COG5: variants seen among roughly 807,000 people sequenced by gnomAD.
COG5 encodes the protein component of oligomeric golgi complex 5.
In COG5, 86 loss-of-function variants were observed where a neutral mutation model predicts 110.4. That is an observed-to-expected ratio of 0.78 (90% confidence interval 0.65 to 0.93). The LOEUF (loss-of-function observed/expected upper bound fraction) is 0.93, where lower values mean the gene tolerates loss of function less well. Ranked by LOEUF, COG5 falls within the 40% of genes least tolerant of loss-of-function variation. The probability of loss-of-function intolerance (pLI) is 0.00; values close to 1 mark genes in which losing one functional copy is unlikely to be tolerated. For synonymous variants in COG5, 360 were observed against 334.6 expected (o/e 1.08, Z -0.83); for missense variants, 1,077 against 987.0 (o/e 1.09, Z -1.22).
chr7:107,231,853 T>C lies in COG5; in HGVS notation c.2092-1162A>G, dbSNP rs568712808. ...TCAAATTTAATGAAGGGGATATTTA[T>C]TTATTAAAACAATATGATTATCAAC... is the stretch of plus-strand genomic sequence containing the variant. On this transcript the variant is annotated intron_variant, in intron 18 of 21. Transcript: ENST00000297135. 2.8e-3 allele frequency among the ~76,000 whole-genome samples: 427 copies of C among 152,372 alleles called. 2 individuals are homozygous for C. Among genetic ancestry groups the C allele is most frequent in the South Asian group, 5.0e-3 (24 of 4,828 alleles).
At chr7:107,523,330 T>C (rs1013420319) in intron 6 of COG5, among the ~76,000 whole-genome samples, 4 of 151,946 alleles carry the variant, frequency 2.6e-5, no homozygotes, top group African/African-American at 9.7e-5. Flanking sequence ...TATACAGAAA[T>C]ACAATTAATT....
At chr7:107,372,793 TATAAATAGGAAAACAAACAAAATCAAC>T in intron 7 of COG5, 33 bp from the exon 8 acceptor site, 1 of 1,607,248 alleles carries the variant, frequency 6.2e-7, no homozygotes, top group Non-Finnish European at 8.5e-7. Context: ...TGGAAACAGA[TATAAATAGGAAAACAAACAAAATCAAC>T]ATAAATATAC....
chr7:107,369,886 C>A (rs992554136), intron 8 of COG5, among the ~76,000 whole-genome samples: 1 of 152,030 alleles, frequency 6.6e-6, no homozygotes, highest in African/African-American at 2.4e-5. Flanking sequence ...TAGATTTTGC[C>A]AATCTGATGA....
intron 7 of COG5, among the ~76,000 whole-genome samples, chr7:107,376,407 C>T (rs1814641664): frequency 6.6e-6 from 1 of 151,890 alleles, no homozygotes; most frequent in East Asian, 1.9e-4. Context: ...TTCTCAAATC[C>T]ATGAATATGG....
At chr7:107,556,962 G>C (rs1342262402) in intron 2 of COG5, among the ~76,000 whole-genome samples, 1 of 151,982 alleles carries the variant, frequency 6.6e-6, no homozygotes, top group African/African-American at 2.4e-5. Context: ...GTAGAGATGG[G>C]GTTTTGCCAT....
chr7:107,466,937 A>C (rs1796325578), intron 6 of COG5, among the ~76,000 whole-genome samples: 1 of 152,244 alleles, frequency 6.6e-6, no homozygotes, highest in African/African-American at 2.4e-5. Context: ...TTTTATTTAC[A>C]AACTCAGAGA....
intron 1 of COG5, among the ~76,000 whole-genome samples, chr7:107,560,449 G>A (rs942868953): frequency 1.3e-5 from 2 of 152,212 alleles, no homozygotes; most frequent in Non-Finnish European, 2.9e-5. Context: ...TGATTAGGTA[G>A]AACAAACAAG....
intron 6 of COG5, among the ~76,000 whole-genome samples, chr7:107,453,238 A>G (rs1434759788): frequency 6.6e-6 from 1 of 152,218 alleles, no homozygotes; most frequent in Non-Finnish European, 1.5e-5. Context: ...AAAGTACAGG[A>G]GTTAAATCTC....
At chr7:107,432,289 GTAAAC>G (rs1794076781) in intron 6 of COG5, among the ~76,000 whole-genome samples, 1 of 152,144 alleles carries the variant, frequency 6.6e-6, no homozygotes, top group African/African-American at 2.4e-5. Flanking sequence ...CTGCTCTGTA[GTAAAC>G]TAAAGTTGAA....
At chr7:107,308,451 T>G (rs188866307) in intron 11 of COG5, among the ~76,000 whole-genome samples, 3 of 152,190 alleles carry the variant, frequency 2.0e-5, no homozygotes, top group Admixed American at 2.0e-4. Flanking sequence ...CTACTGCATA[T>G]GTAGTGACTG....
At chr7:107,556,589 A>G (rs528895972) in intron 2 of COG5, among the ~76,000 whole-genome samples, 1 of 152,276 alleles carries the variant, frequency 6.6e-6, no homozygotes, top group East Asian at 1.9e-4. Flanking sequence ...AACTAAATAC[A>G]TTATCCCCGC....
At chr7:107,343,170 G>T (rs1811313685) in intron 10 of COG5, among the ~76,000 whole-genome samples, 1 of 152,038 alleles carries the variant, frequency 6.6e-6, no homozygotes, top group African/African-American at 2.4e-5. Context: ...TAAATATTAG[G>T]TACTCATGGA....
intron 10 of COG5, among the ~76,000 whole-genome samples, chr7:107,329,510 A>G (rs1186977587): frequency 6.6e-6 from 1 of 152,166 alleles, no homozygotes; most frequent in African/African-American, 2.4e-5. Flanking sequence ...TAGTATATGT[A>G]CATATACTAT....
rs1035623161 is a variant in COG5 at position 107,467,577 on chromosome 7, C to T, written c.539-54945G>A. On this transcript the variant is annotated intron_variant, in intron 6 of 21. Transcript: ENST00000297135. ...ATGTTGGCCAGACTGGTCTCGAACT[C>T]CTGACCTCAAGTGATCCACCCGCCT... Among the ~76,000 whole-genome samples the T allele has an allele frequency of 7.2e-5, 11 of 152,100 alleles. No individual in the cohort carries two copies. In the East Asian group the frequency reaches 1.9e-3, roughly 27 times the overall value.
At chr7:107,360,310 G>T (rs1584727133) in intron 10 of COG5, among the ~76,000 whole-genome samples, 1 of 152,324 alleles carries the variant, frequency 6.6e-6, no homozygotes, top group East Asian at 1.9e-4. Context: ...ACTCAGTGAA[G>T]CTCCTCTCTG....
intron 10 of COG5, among the ~76,000 whole-genome samples, chr7:107,346,200 C>T (rs1160787617): frequency 6.6e-6 from 1 of 152,152 alleles, no homozygotes; most frequent in African/African-American, 2.4e-5. Context: ...ACATCAAGAA[C>T]AAACATATTA....
chr7:107,258,923 A>G (rs1428705160), intron 14 of COG5, among the ~76,000 whole-genome samples: 1 of 152,136 alleles, frequency 6.6e-6, no homozygotes, highest in African/African-American at 2.4e-5. Flanking sequence ...AGGCATCCTA[A>G]TACACTAATG....
intron 5 of COG5, among the ~76,000 whole-genome samples, chr7:107,538,699 T>C (rs566927461): frequency 6.6e-6 from 1 of 151,402 alleles, no homozygotes; most frequent in East Asian, 2.0e-4. Flanking sequence ...ATGTTAAACA[T>C]AGAGTTAGCA....
At chr7:107,411,598 G>A (rs909509904) in intron 7 of COG5, among the ~76,000 whole-genome samples, 5 of 151,988 alleles carry the variant, frequency 3.3e-5, no homozygotes, top group African/African-American at 1.2e-4. Flanking sequence ...CATTCTATAT[G>A]AAAGTTTATG....
Sources: gnomAD v4.1 joint callset for allele counts (sites outside exome capture counted in the v4.1 genomes callset) on GRCh38, gnomAD v4.1.1 for gene constraint, MANE v1.5 for transcripts, NCBI Gene and HGNC (gene_info 2026-07-23, HGNC 2026-07-21) for gene names.